Variants in ELP4 observed in about 807,000 individuals in gnomAD.
ELP4 encodes elongator complex protein 4.
A neutral mutation model predicts 48.9 loss-of-function variants in ELP4; 51 were observed. That is an observed-to-expected ratio of 1.04 (90% CI 0.83 to 1.32). The LOEUF is 1.32. Ranked by LOEUF, ELP4 falls within the 40% of genes most tolerant of loss-of-function variation. ELP4 has a pLI of 0.00. For synonymous variants in ELP4, 210 were observed against 189.2 expected (o/e 1.11, Z -0.90); for missense variants, 519 against 514.6 (o/e 1.01, Z -0.08).
chr11:31,679,006 T>C (rs548218802), intron 9 of ELP4, among the ~76,000 whole-genome samples: 19 of 152,218 alleles, frequency 1.2e-4, no homozygotes, highest in Non-Finnish European at 2.4e-4. Flanking sequence ...GTTTGCAATT[T>C]TCTGGACATA....
At chr11:31,536,859 G>A (rs983246011) in intron 2 of ELP4, among the ~76,000 whole-genome samples, 4 of 152,028 alleles carry the variant, frequency 2.6e-5, no homozygotes, top group African/African-American at 4.8e-5. Flanking sequence ...TATGAAAGTT[G>A]CTAAAATATA....
At chr11:31,708,247 C>T (rs1946673506) in intron 9 of ELP4, among the ~76,000 whole-genome samples, 1 of 152,042 alleles carries the variant, frequency 6.6e-6, no homozygotes. Context: ...ATCCTTAAAG[C>T]ATCATGATGT....
intron 3 of ELP4, among the ~76,000 whole-genome samples, chr11:31,573,792 A>C (rs1415099024): frequency 6.6e-6 from 1 of 151,702 alleles, no homozygotes; most frequent in African/African-American, 2.4e-5. Context: ...AGTTATTTTC[A>C]AACACCCCTT....
chr11:31,607,941 T>C (rs1279335006), intron 5 of ELP4, among the ~76,000 whole-genome samples: 2 of 151,180 alleles, frequency 1.3e-5, no homozygotes, highest in African/African-American at 4.9e-5. Flanking sequence ...GGAGACCTCC[T>C]TTTTTTTGCA....
intron 9 of ELP4, among the ~76,000 whole-genome samples, chr11:31,696,905 T>G (rs889210741): frequency 1.3e-5 from 2 of 152,086 alleles, no homozygotes; most frequent in East Asian, 1.9e-4. Context: ...TGTGCCATAT[T>G]CAGGAGACTC....
chr11:31,597,425 A>T (rs1164374595), intron 4 of ELP4, among the ~76,000 whole-genome samples: 1 of 152,176 alleles, frequency 6.6e-6, no homozygotes, highest in Non-Finnish European at 1.5e-5. Context: ...GAAAAATATG[A>T]GTTAAGTGAT....
At chr11:31,634,186 A>G (rs1219327210) in intron 7 of ELP4, 1 of 152,016 alleles carries the variant, frequency 6.6e-6, no homozygotes, top group African/African-American at 2.4e-5. Context: ...TGAATTATTA[A>G]CTACCTTTGA....
intron 3 of ELP4, among the ~76,000 whole-genome samples, chr11:31,544,759 G>T (rs962434205): frequency 6.6e-6 from 1 of 152,194 alleles, no homozygotes; most frequent in African/African-American, 2.4e-5. Context: ...CCCCCAGTAG[G>T]GGCAGACTGA....
At chr11:31,593,915 C>T (rs376129808) in intron 3 of ELP4, among the ~76,000 whole-genome samples, 16 of 152,078 alleles carry the variant, frequency 1.1e-4, no homozygotes, top group East Asian at 3.9e-4. Context: ...GCTGATTTGT[C>T]GACATGATTC....
chr11:31,720,406 G>C (rs746971201), intron 9 of ELP4, among the ~76,000 whole-genome samples: 13 of 151,886 alleles, frequency 8.6e-5, no homozygotes, highest in Non-Finnish European at 1.9e-4. Context: ...AAGATAGTTT[G>C]GCACTTTTTC....
At chr11:31,723,973 G>T (rs1465624488) in intron 9 of ELP4, among the ~76,000 whole-genome samples, 2 of 152,104 alleles carry the variant, frequency 1.3e-5, no homozygotes, top group Non-Finnish European at 2.9e-5. Flanking sequence ...TATGTGAAAG[G>T]CCTGGAGATA....
intron 9 of ELP4, chr11:31,681,644 G>T (rs371554668): frequency 6.6e-6 from 1 of 152,384 alleles, no homozygotes; most frequent in South Asian, 2.0e-4. Flanking sequence ...TGATCTGGAA[G>T]AAGATGGACA....
intron 1 of ELP4, among the ~76,000 whole-genome samples, chr11:31,513,822 A>G (rs1260674571): frequency 2.0e-5 from 3 of 152,210 alleles, no homozygotes; most frequent in Non-Finnish European, 4.4e-5. Context: ...ATCGTGGAAG[A>G]TACTGGCATT....
chr11:31,638,826 T>C (rs1945031833), intron 7 of ELP4, among the ~76,000 whole-genome samples: 1 of 151,880 alleles, frequency 6.6e-6, no homozygotes, highest in African/African-American at 2.4e-5. Flanking sequence ...ACCACTAATA[T>C]GGGATTATGA....
chr11:31,518,696 AC>A (rs1225554329), intron 1 of ELP4, among the ~76,000 whole-genome samples: 1 of 151,510 alleles, frequency 6.6e-6, no homozygotes, highest in Non-Finnish European at 1.5e-5. Flanking sequence ...GGAGTTCGAG[AC>A]CAGCCTTGGC....
chr11:31,783,287 T>C (rs943241192), intron 9 of ELP4, 106 bp from the exon 10 acceptor site: 14 of 978,176 alleles, frequency 1.4e-5, no homozygotes, highest in African/African-American at 3.2e-5. Context: ...GTCTAAATGC[T>C]GATCAACAGA....
chr11:31,600,061 G>A (rs904359701), intron 4 of ELP4: 20 of 152,074 alleles, frequency 1.3e-4, no homozygotes, highest in African/African-American at 4.8e-4. Context: ...AAAATAAGTT[G>A]TCACCAGGTC....
At chr11:31,758,678 T>C (rs1370368898) in intron 9 of ELP4, among the ~76,000 whole-genome samples, 1 of 151,530 alleles carries the variant, frequency 6.6e-6, no homozygotes, top group Non-Finnish European at 1.5e-5. Flanking sequence ...AACTTTTTTT[T>C]TTTTTTTTGA....
In ELP4 at chr11:31,742,652, G is replaced by T. The variant is rs973342945; in HGVS notation, c.1144-40741G>T. Reference sequence around the variant, plus strand: ...AGAATCTCATATCCAGCTAAACTAAGCTTCATAAGTGAAGGAGAAATAAAA... The same window carrying T: ...AGAATCTCATATCCAGCTAAACTAATCTTCATAAGTGAAGGAGAAATAAAA... On this transcript the variant is annotated intron_variant, in intron 9 of 9. Transcript: ENST00000640961. 2.0e-5 allele frequency among the ~76,000 whole-genome samples: 3 copies of T among 152,152 alleles called. No individual in the cohort carries two copies. The South Asian group carries it at 6.2e-4, about 32-fold the overall frequency.
Sources: allele counts gnomAD v4.1 joint callset (sites outside exome capture counted in the v4.1 genomes callset), GRCh38; gene constraint gnomAD v4.1.1; transcripts MANE v1.5; gene names NCBI Gene and HGNC (gene_info 2026-07-23, HGNC 2026-07-21).